KLHL21: variants seen among roughly 807,000 people sequenced by gnomAD.
KLHL21 encodes the protein kelch like family member 21.
Under a neutral mutation model 44.1 loss-of-function variants are expected in KLHL21, and 42 were observed. The observed-to-expected ratio is 0.95, with a 90% CI of 0.74 to 1.23. KLHL21 has a LOEUF of 1.23. KLHL21 is among the 50% of genes most tolerant of loss of function. The pLI is 0.00. For synonymous variants in KLHL21, 524 were observed against 411.6 expected (o/e 1.27, Z -3.31); for missense variants, 918 against 889.1 (o/e 1.03, Z -0.41).
Position 6,601,821 on chromosome 1 carries a change from G to A in KLHL21, c.997C>T (p.Leu333=). The A allele has an allele frequency of 6.3e-7, 1 of 1,583,246 alleles. No individual in the cohort carries two copies. The highest frequency in any genetic ancestry group is 1.2e-5 in the South Asian group (1 of 86,746). The change falls in exon 1 of 4, where the codon CTG becomes TTG. Residue 333 remains leucine, a synonymous_variant. Coordinates refer to ENST00000377658, the MANE Select transcript of KLHL21 (RefSeq NM_014851.4). ...HLGGGYSIVA[L]GNDIYVTGGS... is the part of the protein sequence containing the mutation. The stretch of plus-strand genomic sequence containing the variant: ...CCCGTCACGTAGATGTCATTGCCCA[G>A]CGCCACGATGCTGTAGCCTCCGCCC...
At chr1:6,601,367 C>G (rs983659150) in intron 1 of KLHL21, among the ~76,000 whole-genome samples, 4 of 152,152 alleles carry the variant, frequency 2.6e-5, no homozygotes, top group Non-Finnish European at 5.9e-5. Context: ...TCAGGGGGCC[C>G]GGTGTGGCTC....
intron 2 of KLHL21, 81 bp from the exon 3 acceptor site, chr1:6,595,638 C>A: frequency 8.4e-7 from 1 of 1,183,524 alleles, no homozygotes; most frequent in Admixed American, 2.0e-5. Flanking sequence ...GAGTCCTCCC[C>A]TGGGTCACTG....
In KLHL21 at chr1:6,602,782, G is replaced by A; in HGVS notation, c.36C>T (p.Phe12=). ...ERPAPLAVLP[F]SDPAHALSLL... ...GGCTCAGGGCGTGCGCGGGGTCCGA[G>A]AAGGGAAGCACGGCCAGGGGCGCCG... is the stretch of plus-strand genomic sequence containing the variant. Residue 12 remains phenylalanine (F), a synonymous_variant, in exon 1 of 4, where the codon TTC becomes TTT. Coordinates refer to ENST00000377658, the MANE Select transcript of KLHL21 (RefSeq NM_014851.4). 3 of 1,479,018 alleles carry A rather than the reference G, an allele frequency of 2.0e-6. No homozygotes were observed. Among genetic ancestry groups the A allele is most frequent in the Non-Finnish European group, 2.7e-6 (3 of 1,124,432 alleles). The allele number at this position is 1,479,018 out of a possible 1,614,324, so 91.6% of individuals were successfully genotyped here. A position where few individuals can be genotyped will look rare whatever the true frequency, so the allele number is the denominator to read the frequency against.
chr1:6,601,372 TG>T, intron 1 of KLHL21, among the ~76,000 whole-genome samples: 2 of 152,264 alleles, frequency 1.3e-5, no homozygotes, highest in South Asian at 4.2e-4. Context: ...GGGCCCGGTG[TG>T]GCTCAGCAGG....
intron 3 of KLHL21, chr1:6,594,283 A>G (rs1338890150): frequency 6.2e-6 from 1 of 160,514 alleles, no homozygotes; most frequent in African/African-American, 2.4e-5. Flanking sequence ...CACATGGCCA[A>G]ATGGCACTGA....
rs534493626 is a variant in KLHL21, at chr1:6,593,564, G to A, written c.1595C>T (p.Ala532Val). The A allele has an allele frequency of 8.1e-5, 130 of 1,613,864 alleles. No individual in the cohort carries two copies. Among genetic ancestry groups the A allele is most frequent in the Non-Finnish European group, 1.0e-4 (123 of 1,179,992 alleles). Reference protein sequence around the residue: ...NTFELSDVVEAYDPETRAWSV... With the variant: ...NTFELSDVVEVYDPETRAWSV... Reference sequence around the variant, plus strand: ...CCACGCGCGAGTCTCTGGGTCATAGGCCTCTACCACGTCCGAGAGTTCAAA... The same window carrying A: ...CCACGCGCGAGTCTCTGGGTCATAGACCTCTACCACGTCCGAGAGTTCAAA... Residue 532 changes from alanine (A) to valine (V), a missense_variant, in exon 4 of 4, where the codon GCC becomes GTC. Coordinates refer to ENST00000377658, the MANE Select transcript of KLHL21 (RefSeq NM_014851.4).
intron 3 of KLHL21, 30 bp from the exon 4 acceptor site, chr1:6,593,688 G>A (rs767974014): frequency 1.4e-5 from 22 of 1,541,782 alleles, no homozygotes; most frequent in Non-Finnish European, 1.8e-5. Context: ...GTGAGTGGAG[G>A]TCAGAGGAGA....
In KLHL21 at chr1:6,590,782, G is replaced by A. The variant is rs1570186991; in HGVS notation, c.*2583C>T. ...GAAGGTACCCTAAAACCTTAAGCAGGATTCTGGACATGGAAGCCTACAGAA... is the reference window on the plus strand; with the variant it reads ...GAAGGTACCCTAAAACCTTAAGCAGAATTCTGGACATGGAAGCCTACAGAA... On this transcript the variant is annotated 3_prime_UTR_variant, in exon 4 of 4. Transcript: ENST00000377658. 1.8e-5 allele frequency: 7 copies of A among 396,298 alleles called. No individual in the cohort carries two copies. The East Asian group carries it at 2.5e-4, about 14-fold the overall frequency. 24.5% of individuals were successfully genotyped at this position (396,298 alleles called of 1,614,324 possible).
chr1:6,600,687 G>A (rs913900648), intron 1 of KLHL21, among the ~76,000 whole-genome samples: 11 of 152,222 alleles, frequency 7.2e-5, no homozygotes, highest in South Asian at 2.1e-4. Flanking sequence ...TTTATGGAAG[G>A]GTGTGCAGAA....
chr1:6,600,704 G>C (rs904282135), intron 1 of KLHL21, among the ~76,000 whole-genome samples: 1 of 152,206 alleles, frequency 6.6e-6, no homozygotes, highest in Non-Finnish European at 1.5e-5. Context: ...AGAAAGCTGG[G>C]GCCAGTGTGG....
chr1:6,602,360 AGT>A lies in KLHL21; in HGVS notation c.456_457del (p.Leu153GlyfsTer56). ...AATGAACCGCTGCGCCGCGCTCGCC[AGT>A]CCCGAGCAGCTGAAGGCCTCAGCGA... On this transcript the variant is annotated frameshift_variant, in exon 1 of 4. Coordinates refer to ENST00000377658, the MANE Select transcript of KLHL21 (RefSeq NM_014851.4). LOFTEE classifies it high-confidence loss of function. 6.3e-7 allele frequency: 1 copy of A among 1,575,598 alleles called. No individual in the cohort carries two copies. The highest frequency in any genetic ancestry group is 8.6e-7 in the Non-Finnish European group (1 of 1,165,508).
Position 6,602,391 on chromosome 1 carries a change from C to A in KLHL21, c.427G>T (p.Asp143Tyr). Residue 143 changes from aspartate to tyrosine, a missense_variant, in exon 1 of 4, where the codon GAC becomes TAC. Physicochemically the swap from Asp to Tyr is radical, Grantham distance 160 (BLOSUM62 -3). Coordinates refer to ENST00000377658, the MANE Select transcript of KLHL21 (RefSeq NM_014851.4). ...LDLANCLDMQ[D>Y]FAEAFSCSGL... ...GAGCAGCTGAAGGCCTCAGCGAAGT[C>A]CTGCATGTCCAGGCAGTTGGCCAGG... 1 of 1,594,454 alleles carries A rather than the reference C, an allele frequency of 6.3e-7. No homozygotes were observed.
rs902971207 is a variant in KLHL21, at chr1:6,602,608, G to A, written c.210C>T (p.Arg70=). 3.9e-6 allele frequency: 6 copies of A among 1,524,282 alleles called. No individual in the cohort carries two copies. Among genetic ancestry groups the A allele is most frequent in the East Asian group, 2.5e-5 (1 of 40,062 alleles). The allele number at this position is 1,524,282 out of a possible 1,614,324, so 94.4% of individuals were successfully genotyped here. Residue 70 remains arginine (R), a synonymous_variant, in exon 1 of 4, where the codon CGC becomes CGT. Transcript: ENST00000377658. ...YFRAMFAGQL[R]ESRAERVRLH... ...GGCGCACCCGCTCGGCGCGGCTCTC[G>A]CGCAGCTGCCCCGCGAACATGGCGC...
intron 2 of KLHL21, 126 bp downstream of exon 2, chr1:6,598,921 C>A (rs1268489926): frequency 4.1e-6 from 4 of 974,778 alleles, no homozygotes; most frequent in Non-Finnish European, 6.0e-6. Flanking sequence ...ACAGACCCAG[C>A]CTCCAACCCC....
chr1:6,602,237 T>G lies in KLHL21; in HGVS notation c.581A>C (p.Lys194Thr), dbSNP rs1641035870. Reference protein sequence around the residue: ...YLRDDGLCVPKEEAAYQLALR... With the variant: ...YLRDDGLCVPTEEAAYQLALR... The stretch of plus-strand genomic sequence containing the variant: ...CGCCAGCTGGTAGGCGGCCTCCTCC[T>G]TGGGCACACACAGCCCGTCGTCCCG... Residue 194 changes from lysine to threonine, a missense_variant, in exon 1 of 4, where the codon AAG becomes ACG. Coordinates refer to ENST00000377658, the MANE Select transcript of KLHL21 (RefSeq NM_014851.4). 2 of 1,534,932 alleles carry G rather than the reference T, an allele frequency of 1.3e-6. No individual in the cohort carries two copies. Among genetic ancestry groups the G allele is most frequent in the African/African-American group, 1.4e-5 (1 of 72,136 alleles).
In KLHL21 at chr1:6,599,513, C is replaced by T. The variant is rs150279599; in HGVS notation, c.1022-61G>A. 1,614 of 1,508,432 alleles carry T rather than the reference C, an allele frequency of 1.1e-3. 22 individuals are homozygous for T. The African/African-American group carries it at 0.02, about 19-fold the overall frequency. 93.4% of individuals were successfully genotyped at this position (1,508,432 alleles called of 1,614,324 possible). ...CTCAGGTGAGTCACCCACCTGCACCCTCCCGAACTTCCGCAAGGGCCTCTG... is the reference window on the plus strand; with the variant it reads ...CTCAGGTGAGTCACCCACCTGCACCTTCCCGAACTTCCGCAAGGGCCTCTG... On this transcript the variant is annotated intron_variant, in intron 1 of 3. Coordinates refer to ENST00000377658, the MANE Select transcript of KLHL21 (RefSeq NM_014851.4).
At chr1:6,595,198 G>A in intron 3 of KLHL21, 1 of 588,492 alleles carries the variant, frequency 1.7e-6, no homozygotes, top group Non-Finnish European at 3.0e-6. Context: ...GGTGTCCCCA[G>A]ATGACTGTAT....
Position 6,599,304 on chromosome 1 carries a change from G to T in KLHL21, c.1170C>A (p.Asp390Glu), listed in dbSNP as rs1356974998. Reference sequence around the variant, plus strand: ...TGGTGTGGTCATAGCGCTCGGTGCTGTCGGCGGCCACCACGTACAGCAGTC... The same window carrying T: ...TGGTGTGGTCATAGCGCTCGGTGCTTTCGGCGGCCACCACGTACAGCAGTC... The part of the protein sequence containing the change: ...LDGLLYVVAA[D>E]STERYDHTTD... Residue 390 changes from aspartate to glutamate, a missense_variant, in exon 2 of 4, where the codon GAC (aspartate) becomes GAA (glutamate). By Grantham distance (45) the Asp-to-Glu change is conservative (BLOSUM62 2). Coordinates refer to ENST00000377658, the MANE Select transcript of KLHL21 (RefSeq NM_014851.4). The T allele has an allele frequency of 1.2e-6, 2 of 1,614,000 alleles. No homozygotes were observed. The highest frequency in any genetic ancestry group is 1.7e-6 in the Non-Finnish European group (2 of 1,180,032).
In KLHL21 at chr1:6,602,464, G is replaced by T; in HGVS notation, c.354C>A (p.Phe118Leu). The part of the protein sequence containing the change: ...PLLRAADLLQ[F>L]PAVKEACGAF... Reference sequence around the variant, plus strand: ...CCCCGCACGCCTCCTTCACGGCCGGGAACTGCAGCAGGTCGGCGGCGCGCA... The same window carrying T: ...CCCCGCACGCCTCCTTCACGGCCGGTAACTGCAGCAGGTCGGCGGCGCGCA... Residue 118 changes from phenylalanine (F) to leucine (L), a missense_variant, in exon 1 of 4, where the codon TTC (phenylalanine) becomes TTA (leucine). Physicochemically the swap from Phe to Leu is conservative, Grantham distance 22. Transcript: ENST00000377658. 1 of 1,575,214 alleles carries T rather than the reference G, an allele frequency of 6.3e-7. No individual in the cohort carries two copies. Among genetic ancestry groups the T allele is most frequent in the Non-Finnish European group, 8.6e-7 (1 of 1,166,882 alleles).
Sources: allele counts gnomAD v4.1 joint callset (sites outside exome capture counted in the v4.1 genomes callset), GRCh38; gene constraint gnomAD v4.1.1; transcripts MANE v1.5; gene names NCBI Gene and HGNC (gene_info 2026-07-23, HGNC 2026-07-21).